The following RGS7BP variants were observed in gnomAD, a reference collection of about 807,000 sequenced individuals.
RGS7BP encodes regulator of G protein signaling 7-binding protein.
RGS7BP carries 9 observed loss-of-function variants against 31.3 expected under a neutral mutation model. The ratio of observed to expected loss-of-function variants is 0.29; its 90% CI spans 0.17 to 0.50. The LOEUF is 0.50. Ranked by LOEUF, RGS7BP falls within the 20% of genes least tolerant of loss-of-function variation. The pLI is 0.98. For missense variants in RGS7BP, 274 were observed against 322.0 expected (o/e 0.85, Z 1.14); for synonymous variants, 115 against 120.1 (o/e 0.96, Z 0.28).
intron 5 of RGS7BP, among the ~76,000 whole-genome samples, chr5:64,603,250 A>C (rs539999298): frequency 6.6e-6 from 1 of 152,350 alleles, no homozygotes; most frequent in African/African-American, 2.4e-5. Flanking sequence ...AGCAGAATCA[A>C]GGAAGAAACC....
intron 5 of RGS7BP, among the ~76,000 whole-genome samples, chr5:64,606,744 T>C (rs1037539109): frequency 6.6e-6 from 1 of 152,142 alleles, no homozygotes; most frequent in Non-Finnish European, 1.5e-5. Context: ...ATCTCTGAGA[T>C]GTTCTCCTGA....
intron 2 of RGS7BP, among the ~76,000 whole-genome samples, chr5:64,559,742 C>A (rs1376793510): frequency 6.6e-6 from 1 of 152,136 alleles, no homozygotes; most frequent in Non-Finnish European, 1.5e-5. Flanking sequence ...CGATGCAGTA[C>A]ATTTGCCAGG....
At chr5:64,603,267 C>T (rs562456721) in intron 5 of RGS7BP, among the ~76,000 whole-genome samples, 4 of 152,154 alleles carry the variant, frequency 2.6e-5, no homozygotes, top group Non-Finnish European at 5.9e-5. Context: ...AACCCAAGTT[C>T]AGACTTGGAA....
chr5:64,578,437 G>T lies in RGS7BP; in HGVS notation c.463+2533G>T, dbSNP rs369212851. Among the ~76,000 whole-genome samples the T allele has an allele frequency of 5.3e-5, 8 of 152,232 alleles. No individual in the cohort carries two copies. The East Asian group carries it at 1.2e-3, about 22-fold the overall frequency. On this transcript the variant is annotated intron_variant, in intron 3 of 5. Transcript: ENST00000334025. ...CTGCTTCACAATTATCCAGGATGCT[G>T]GATAAACATGCAGATGCCTGGATCC...
intron 2 of RGS7BP, among the ~76,000 whole-genome samples, chr5:64,534,795 T>C (rs1749463529): frequency 6.6e-6 from 1 of 152,228 alleles, no homozygotes; most frequent in East Asian, 1.9e-4. Context: ...AATTTAAATA[T>C]GGAAGGCACT....
chr5:64,516,103 C>T (rs1031296562), intron 2 of RGS7BP, among the ~76,000 whole-genome samples: 14 of 152,160 alleles, frequency 9.2e-5, no homozygotes, highest in South Asian at 6.2e-4. Flanking sequence ...CGCTCTCGAC[C>T]GAAATAAATG....
rs186178884 is a variant in RGS7BP, at chr5:64,580,111, A to G, written c.463+4207A>G. 2.0e-5 allele frequency among the ~76,000 whole-genome samples: 3 copies of G among 152,330 alleles called. No homozygotes were observed. The East Asian group carries it at 5.8e-4, about 29-fold the overall frequency. On this transcript the variant is annotated intron_variant, in intron 3 of 5. Coordinates refer to ENST00000334025, the MANE Select transcript of RGS7BP (RefSeq NM_001029875.3). Reference sequence around the variant, plus strand: ...TTCCAGTGACCATGAATAGCCAGAAATGAGTTGAGGAAGAGATAGGTCCAT... The same window carrying G: ...TTCCAGTGACCATGAATAGCCAGAAGTGAGTTGAGGAAGAGATAGGTCCAT...
chr5:64,536,718 A>C (rs149840302), intron 2 of RGS7BP, among the ~76,000 whole-genome samples: 5 of 152,348 alleles, frequency 3.3e-5, no homozygotes, highest in African/African-American at 1.2e-4. Flanking sequence ...AGCTACTTCT[A>C]GTACCAGATA....
At chr5:64,582,259 C>T (rs1742620400) in intron 3 of RGS7BP, among the ~76,000 whole-genome samples, 1 of 152,232 alleles carries the variant, frequency 6.6e-6, no homozygotes, top group Non-Finnish European at 1.5e-5. Flanking sequence ...ACTTCGTTGG[C>T]AGAAAGTGGA....
At position 64,594,785 on chromosome 5, in the gene RGS7BP, ACTC is replaced by A; in HGVS notation, c.543_545del (p.Ser184del). On this transcript the variant is annotated inframe_deletion, in exon 4 of 6. Transcript: ENST00000334025. Reference sequence around the variant, plus strand: ...AGTGCTGAAACACCTGCCCTAGAAGACTCCTCATCATCCCCCGTAGATAGTCAG... The same window carrying A: ...AGTGCTGAAACACCTGCCCTAGAAGACTCATCATCCCCCGTAGATAGTCAG... The A allele has an allele frequency of 6.2e-7, 1 of 1,613,434 alleles. No individual in the cohort carries two copies. Among genetic ancestry groups the A allele is most frequent in the Non-Finnish European group, 8.5e-7 (1 of 1,179,676 alleles).
At position 64,611,754 on chromosome 5, in the gene RGS7BP, G is replaced by C. The variant is rs1432481173; in HGVS notation, c.*2502G>C. On this transcript the variant is annotated 3_prime_UTR_variant, in exon 6 of 6. Transcript: ENST00000334025. ...ATTAAGTTTAGTGCTCAAAACCCTG[G>C]TAACCTACACTGGCCCAAGGTTACA... is the stretch of plus-strand genomic sequence containing the variant. The C allele has an allele frequency of 6.6e-6, 1 of 152,136 alleles. No individual in the cohort carries two copies. The highest frequency in any genetic ancestry group is 1.5e-5 in the Non-Finnish European group (1 of 67,852). 9.4% of individuals were successfully genotyped at this position (152,136 alleles called of 1,614,324 possible).
Position 64,611,341 on chromosome 5 carries a change from C to A in RGS7BP, c.*2089C>A, listed in dbSNP as rs1294393306. The A allele has an allele frequency of 6.6e-6, 1 of 152,316 alleles. No homozygotes were observed. Among genetic ancestry groups the A allele is most frequent in the East Asian group, 1.9e-4 (1 of 5,160 alleles). 9.4% of individuals were successfully genotyped at this position (152,316 alleles called of 1,614,324 possible). A position where few individuals can be genotyped will look rare whatever the true frequency, so the allele number is the denominator to read the frequency against. Reference sequence around the variant, plus strand: ...TCAATCTAGTTCCTACTAATCCATGCAAAAGTTATTAACTGATAAGCCCAA... The same window carrying A: ...TCAATCTAGTTCCTACTAATCCATGAAAAAGTTATTAACTGATAAGCCCAA... On this transcript the variant is annotated 3_prime_UTR_variant, in exon 6 of 6. Transcript: ENST00000334025.
At chr5:64,598,005 C>A (rs1283802634) in intron 4 of RGS7BP, among the ~76,000 whole-genome samples, 1 of 152,160 alleles carries the variant, frequency 6.6e-6, no homozygotes, top group African/African-American at 2.4e-5. Flanking sequence ...CCCTGGGTAG[C>A]CCTGTTGCTC....
At chr5:64,547,761 T>C (rs1051258173) in intron 2 of RGS7BP, among the ~76,000 whole-genome samples, 7 of 152,204 alleles carry the variant, frequency 4.6e-5, no homozygotes, top group Non-Finnish European at 8.8e-5. Flanking sequence ...TTCTCATTGA[T>C]GCATCTATTC....
intron 2 of RGS7BP, among the ~76,000 whole-genome samples, chr5:64,524,814 C>T (rs773176848): frequency 6.6e-6 from 1 of 152,166 alleles, no homozygotes; most frequent in Non-Finnish European, 1.5e-5. Context: ...TCCATGCCCA[C>T]TGCCCACGAG....
intron 2 of RGS7BP, among the ~76,000 whole-genome samples, chr5:64,524,125 G>T (rs1205919726): frequency 1.3e-5 from 2 of 151,092 alleles, no homozygotes; most frequent in African/African-American, 4.9e-5. Context: ...CACTGTATAT[G>T]AAATATTGTC....
chr5:64,554,925 A>G (rs186681530), intron 2 of RGS7BP, among the ~76,000 whole-genome samples: 108 of 152,168 alleles, frequency 7.1e-4, no homozygotes, highest in African/African-American at 2.6e-3. Flanking sequence ...TAAAATTAAA[A>G]CCTAATGGGT....
intron 2 of RGS7BP, among the ~76,000 whole-genome samples, chr5:64,556,228 C>T (rs915296743): frequency 6.6e-6 from 1 of 151,898 alleles, no homozygotes; most frequent in African/African-American, 2.4e-5. Flanking sequence ...TAAATTTGCA[C>T]TTTCCTGATT....
At chr5:64,583,337 C>T (rs923128538) in intron 3 of RGS7BP, among the ~76,000 whole-genome samples, 17 of 152,066 alleles carry the variant, frequency 1.1e-4, no homozygotes, top group African/African-American at 2.9e-4. Flanking sequence ...TGCAGTGAGC[C>T]GAGATGACGC....
Sources: gnomAD v4.1 joint callset for allele counts (sites outside exome capture counted in the v4.1 genomes callset) on GRCh38, gnomAD v4.1.1 for gene constraint, MANE v1.5 for transcripts, NCBI Gene and HGNC (gene_info 2026-07-23, HGNC 2026-07-21) for gene names.